Variants in PCDHA5 observed in about 807,000 individuals in gnomAD.
The protein encoded by PCDHA5 is protocadherin alpha 5.
In PCDHA5, 43 loss-of-function variants were observed where a neutral mutation model predicts 61.6. The ratio of observed to expected loss-of-function variants is 0.70; its 90% CI spans 0.55 to 0.90. PCDHA5 has a LOEUF of 0.90. PCDHA5 is among the 40% of genes least tolerant of loss of function. The probability of loss-of-function intolerance (pLI) is 0.00; values close to 1 mark genes in which losing one functional copy is unlikely to be tolerated. For missense variants in PCDHA5, 1,298 were observed against 1,222.7 expected, an observed-to-expected ratio of 1.06 and a Z score of -0.92; for synonymous variants, 627 against 543.9, an observed-to-expected ratio of 1.15 and a Z score of -2.13.
chr5:140,967,030 C>T, intron 1 of PCDHA5: 1 of 1,609,320 alleles, frequency 6.2e-7, no homozygotes, highest in Non-Finnish European at 8.5e-7. Flanking sequence ...CCAGTCCGCG[C>T]TACCTGGAGC....
intron 1 of PCDHA5, chr5:140,835,471 C>A (rs1453069564): frequency 1.2e-6 from 2 of 1,613,816 alleles, no homozygotes; most frequent in Admixed American, 1.7e-5. Context: ...CCAGAGGACG[C>A]CCAACCAGGT....
rs782449567 is a variant in PCDHA5, at chr5:140,928,010, G to T, written c.2353-50939G>T. 4.3e-6 allele frequency: 7 copies of T among 1,614,168 alleles called. No individual in the cohort carries two copies. In the South Asian group the frequency reaches 6.6e-5, roughly 15 times the overall value. On this transcript the variant is annotated intron_variant, in intron 1 of 3. Coordinates refer to ENST00000529859, the MANE Select transcript of PCDHA5 (RefSeq NM_018908.3). Reference sequence around the variant, plus strand: ...AAGGATGAAGACCTCGATTCTAATGGTAGGGTCATTTGTGGCATGTCTAGT... The same window carrying T: ...AAGGATGAAGACCTCGATTCTAATGTTAGGGTCATTTGTGGCATGTCTAGT...
At chr5:140,871,521 CA>C in intron 1 of PCDHA5, 1 of 1,553,236 alleles carries the variant, frequency 6.4e-7, no homozygotes, top group Non-Finnish European at 8.7e-7. Context: ...TTCCACCTAT[CA>C]GGAAGTGTAT....
chr5:140,969,863 C>A (rs1305470999), intron 1 of PCDHA5, among the ~76,000 whole-genome samples: 1 of 152,156 alleles, frequency 6.6e-6, no homozygotes, highest in Non-Finnish European at 1.5e-5. Context: ...CTGGTACTTG[C>A]ACTGAACCTA....
rs782762108 is a variant in PCDHA5 at position 140,876,906 on chromosome 5, G to A, written c.2352+52779G>A. 3.7e-6 allele frequency: 6 copies of A among 1,613,910 alleles called. No homozygotes were observed. In the African/African-American group the frequency reaches 8.0e-5, roughly 22 times the overall value. On this transcript the variant is annotated intron_variant, in intron 1 of 3. Transcript: ENST00000529859. Reference sequence around the variant, plus strand: ...CGGGCTGCCACATCTTCACGGTGTCGGCATGGGACGCGGACGCGCAGAAGA... The same window carrying A: ...CGGGCTGCCACATCTTCACGGTGTCAGCATGGGACGCGGACGCGCAGAAGA...
chr5:140,909,280 T>C (rs1353122604), intron 1 of PCDHA5, among the ~76,000 whole-genome samples: 3 of 152,212 alleles, frequency 2.0e-5, no homozygotes, highest in African/African-American at 7.2e-5. Flanking sequence ...TTGCTTCTGG[T>C]GGGCCTTATG....
At chr5:140,891,502 T>C (rs11748559) in intron 1 of PCDHA5, among the ~76,000 whole-genome samples, 18,999 of 152,020 alleles carry the variant, frequency 0.12, 1,247 homozygotes, top group Middle Eastern at 0.19. Context: ...TCCTCAGCTA[T>C]AATGTTCTCC....
intron 1 of PCDHA5, chr5:140,928,384 C>G (rs246074): frequency 0.52 from 841,304 of 1,613,674 alleles, 221,696 homozygotes; most frequent in African/African-American, 0.71. Flanking sequence ...CTCTAGCTTG[C>G]TGGCAGTGGA....
intron 1 of PCDHA5, among the ~76,000 whole-genome samples, chr5:140,935,536 G>C (rs2090424655): frequency 6.6e-6 from 1 of 152,104 alleles, no homozygotes; most frequent in Non-Finnish European, 1.5e-5. Context: ...TCAAATTATT[G>C]TGTTTTAAAG....
At chr5:140,917,015 G>A (rs538557329) in intron 1 of PCDHA5, among the ~76,000 whole-genome samples, 1 of 152,240 alleles carries the variant, frequency 6.6e-6, no homozygotes, top group East Asian at 1.9e-4. Flanking sequence ...CTCCCTTCAT[G>A]TGCAGCTGCT....
chr5:140,829,624 C>A, intron 1 of PCDHA5: 1 of 1,612,182 alleles, frequency 6.2e-7, no homozygotes, highest in Non-Finnish European at 8.5e-7. Context: ...TTTCGGTGCA[C>A]GCGGAGAGCG....
At chr5:141,001,624 CG>C (rs1335079944) in intron 3 of PCDHA5, among the ~76,000 whole-genome samples, 1 of 151,678 alleles carries the variant, frequency 6.6e-6, no homozygotes, top group African/African-American at 2.4e-5. Context: ...AAAGGACTGG[CG>C]GGGGTTGGGG....
At position 140,836,014 on chromosome 5, in the gene PCDHA5, C is replaced by T. The variant is rs1554135544; in HGVS notation, c.2352+11887C>T. The T allele has an allele frequency of 4.3e-6, 7 of 1,613,364 alleles. No individual in the cohort carries two copies. In the Admixed American group the frequency reaches 8.3e-5, roughly 19 times the overall value. On this transcript the variant is annotated intron_variant, in intron 1 of 3. Transcript: ENST00000529859. ...AGCGCGCGCGATGCGGGCGTGCCGC[C>T]TCTGGGCAGCAACGTGACGCTGCAG...
intron 1 of PCDHA5, chr5:140,843,294 C>G (rs2150356676): frequency 6.3e-7 from 1 of 1,595,870 alleles, no homozygotes; most frequent in Non-Finnish European, 8.6e-7. Flanking sequence ...GGTGAACCTG[C>G]GCTGACCGCC....
At chr5:140,856,040 A>T (rs374986437) in intron 1 of PCDHA5, 4 of 1,569,320 alleles carry the variant, frequency 2.5e-6, no homozygotes, top group Non-Finnish European at 3.5e-6. Flanking sequence ...AAAACAAGAG[A>T]AGGATAAGAT....
At position 140,822,906 on chromosome 5, in the gene PCDHA5, C is replaced by T; in HGVS notation, c.1131C>T (p.Asp377=). 1.2e-6 allele frequency: 2 copies of T among 1,614,250 alleles called. No homozygotes were observed. The highest frequency in any genetic ancestry group is 1.1e-5 in the South Asian group (1 of 91,090). Residue 377 remains aspartate (D), a synonymous_variant, in exon 1 of 4, where the codon GAC becomes GAT. Transcript: ENST00000529859. ...VIALISVSDR[D]SGANGQVTCS... is the part of the protein sequence containing the mutation. Reference sequence around the variant, plus strand: ...CTCTGATCAGCGTGTCTGACCGTGACTCAGGTGCCAACGGGCAGGTGACCT... The same window carrying T: ...CTCTGATCAGCGTGTCTGACCGTGATTCAGGTGCCAACGGGCAGGTGACCT...
At chr5:140,857,095 G>T (rs1253933979) in intron 1 of PCDHA5, 2 of 1,597,378 alleles carry the variant, frequency 1.3e-6, no homozygotes, top group Admixed American at 1.7e-5. Context: ...CACCTGAGGT[G>T]ATTGTCACTT....
Position 140,941,218 on chromosome 5 carries a change from T to C in PCDHA5, c.2353-37731T>C, listed in dbSNP as rs552463058. ...TTCTTTCTTCCTTTCTTTCTTCCTT[T>C]CTTTCTTTCTTTCTTTCTTTCTTTC... On this transcript the variant is annotated intron_variant, in intron 1 of 3. Transcript: ENST00000529859. 5.6e-5 allele frequency among the ~76,000 whole-genome samples: 7 copies of C among 125,730 alleles called. No homozygotes were observed. In the South Asian group the frequency reaches 7.6e-4, roughly 14 times the overall value. 82.5% of individuals were successfully genotyped at this position (125,730 alleles called of 152,430 possible). A position where few individuals can be genotyped will look rare whatever the true frequency, so the allele number is the denominator to read the frequency against.
At chr5:140,870,570 G>A in intron 1 of PCDHA5, 1 of 1,613,972 alleles carries the variant, frequency 6.2e-7, no homozygotes, top group Non-Finnish European at 8.5e-7. Flanking sequence ...ACGCGCTGGT[G>A]TCCTACTCGC....
Sources: allele counts gnomAD v4.1 joint callset (sites outside exome capture counted in the v4.1 genomes callset), GRCh38; gene constraint gnomAD v4.1.1; transcripts MANE v1.5; gene names NCBI Gene and HGNC (gene_info 2026-07-23, HGNC 2026-07-21).